Variants in DNAJB1 observed in about 807,000 individuals in gnomAD.
The protein encoded by DNAJB1 is dnaJ homolog subfamily B member 1.
Under a neutral mutation model 24.0 loss-of-function variants are expected in DNAJB1, and 14 were observed. The ratio of observed to expected loss-of-function variants is 0.58; its 90% confidence interval spans 0.39 to 0.91. The LOEUF is 0.91. Among genes scored for constraint, DNAJB1 ranks in the 40% least tolerant of loss-of-function variants. The pLI is 0.00. For synonymous variants in DNAJB1, 262 were observed against 174.4 expected (o/e 1.50, Z -3.96); for missense variants, 517 against 458.1 (o/e 1.13, Z -1.17).
intron 1 of DNAJB1, among the ~76,000 whole-genome samples, chr19:14,556,197 C>T (rs898250105): frequency 2.6e-5 from 4 of 152,202 alleles, no homozygotes; most frequent in African/African-American, 7.2e-5. Context: ...TGCTCAGCCA[C>T]GCTAGGTATG....
upstream of DNAJB1, among the ~76,000 whole-genome samples, chr19:14,519,545 C>T (rs1357142258): frequency 6.6e-6 from 1 of 152,202 alleles, no homozygotes; most frequent in Non-Finnish European, 1.5e-5. Context: ...GTCCCGCCTT[C>T]TTCCCTTTAC....
At position 14,516,802 on chromosome 19, in the gene DNAJB1, G is replaced by C. The variant is rs752281508; in HGVS notation, c.456C>G (p.Ala152=). The stretch of plus-strand genomic sequence containing the variant: ...CTTGCTTCTTTCGGGCGGGCTCTTG[G>C]GCAGAGCGGGAGCGGCCAAAGTTCA... The part of the protein sequence containing the change: ...TNVNFGRSRS[A]QEPARKKQDP... Residue 152 remains alanine (A), a synonymous_variant, in exon 2 of 3, where the codon GCC becomes GCG. Transcript: ENST00000254322. 4.3e-6 allele frequency: 7 copies of C among 1,613,728 alleles called. No individual in the cohort carries two copies. The highest frequency in any genetic ancestry group is 5.9e-6 in the Non-Finnish European group (7 of 1,179,996).
chr19:14,517,155 C>CTT (rs1260340769), intron 1 of DNAJB1, 109 bp from the exon 2 acceptor site: 3 of 1,178,388 alleles, frequency 2.5e-6, no homozygotes, highest in Non-Finnish European at 3.5e-6. Context: ...ACTTTTTTGT[C>CTT]TGTCAGGGGA....
At chr19:14,534,756 C>T (rs537743642), upstream of DNAJB1, among the ~76,000 whole-genome samples, 7 of 152,200 alleles carry the variant, frequency 4.6e-5, no homozygotes, top group South Asian at 1.5e-3. Flanking sequence ...GTCTTATTAG[C>T]ACCTGATCAG....
upstream of DNAJB1, among the ~76,000 whole-genome samples, chr19:14,553,095 C>T (rs932697589): frequency 6.6e-6 from 1 of 152,044 alleles, no homozygotes; most frequent in Non-Finnish European, 1.5e-5. Context: ...TTGTCTTGTG[C>T]CATATTCATC....
chr19:14,543,419 A>ATT (rs1169742953), intron 1 of DNAJB1, among the ~76,000 whole-genome samples: 1 of 21,892 alleles, frequency 4.6e-5, no homozygotes, highest in Non-Finnish European at 7.2e-5. Flanking sequence ...ATATATATAT[A>ATT]TTTTTTTTTT....
chr19:14,557,127 T>TATG lies in DNAJB1; in HGVS notation c.-2165-2810_-2165-2809insCAT, dbSNP rs1555736131. On this transcript the variant is annotated intron_variant, in intron 1 of 5. Coordinates refer to the DNAJB1 transcript ENST00000679223. ...TGTTGGTCTAATCTTATTTATTTAT[T>TATG]TATTTATTTATTTATTTATTTATTT... Among the ~76,000 whole-genome samples, 124 of 119,144 alleles carry TATG rather than the reference T, an allele frequency of 1.0e-3. 1 individual carries two copies. In the South Asian group the frequency reaches 0.03, roughly 29 times the overall value. 78.2% of individuals were successfully genotyped at this position (119,144 alleles called of 152,430 possible).
intron 2 of DNAJB1, among the ~76,000 whole-genome samples, chr19:14,527,178 T>C (rs2072442662): frequency 8.9e-6 from 1 of 112,356 alleles, no homozygotes; most frequent in Non-Finnish European, 1.9e-5. Context: ...TTTTTTTTTT[T>C]TTTTTTTTTT....
chr19:14,556,371 C>G (rs1447709585), intron 1 of DNAJB1, among the ~76,000 whole-genome samples: 1 of 151,546 alleles, frequency 6.6e-6, no homozygotes, highest in Non-Finnish European at 1.5e-5. Flanking sequence ...CGAGATCGCG[C>G]CACTGCATTC....
At chr19:14,529,781 G>A, upstream of DNAJB1, 2 of 1,606,332 alleles carry the variant, frequency 1.2e-6, no homozygotes, top group Non-Finnish European at 1.7e-6. Context: ...GCGGGACCAC[G>A]GGACCCCACT....
At chr19:14,529,689 A>C, upstream of DNAJB1, 1 of 1,614,000 alleles carries the variant, frequency 6.2e-7, no homozygotes, top group Non-Finnish European at 8.5e-7. Context: ...CCGCCGTGGG[A>C]GGGAGCCATG....
upstream of DNAJB1, chr19:14,518,401 G>A (rs549452073): frequency 3.5e-5 from 52 of 1,501,374 alleles, no homozygotes; most frequent in Admixed American, 2.6e-4. Context: ...CGGCTCCGCC[G>A]CCGACCAGTC....
intron 1 of DNAJB1, among the ~76,000 whole-genome samples, chr19:14,536,124 C>T (rs1010186596): frequency 6.6e-6 from 1 of 152,142 alleles, no homozygotes; most frequent in African/African-American, 2.4e-5. Flanking sequence ...GCCAGTTCCC[C>T]TTTGGGTTGG....
intron 1 of DNAJB1, among the ~76,000 whole-genome samples, chr19:14,544,076 G>A (rs750098083): frequency 6.6e-6 from 1 of 152,032 alleles, no homozygotes; most frequent in South Asian, 2.1e-4. Flanking sequence ...CCAGGGGTGG[G>A]GGATCCACAG....
chr19:14,544,276 A>C (rs1343462699), intron 1 of DNAJB1, among the ~76,000 whole-genome samples: 2 of 151,792 alleles, frequency 1.3e-5, no homozygotes, highest in Non-Finnish European at 2.9e-5. Flanking sequence ...GCACCTTCTG[A>C]TAAGGCATGT....
intron 1 of DNAJB1, among the ~76,000 whole-genome samples, chr19:14,545,510 G>T (rs114240054): frequency 6.6e-6 from 1 of 152,130 alleles, no homozygotes; most frequent in Non-Finnish European, 1.5e-5. Flanking sequence ...AGCCTAGGGG[G>T]TGGGGGGGAT....
chr19:14,553,357 C>T (rs553672768), upstream of DNAJB1, among the ~76,000 whole-genome samples: 5 of 152,266 alleles, frequency 3.3e-5, no homozygotes, highest in East Asian at 1.9e-4. Context: ...AGGAGCAGAG[C>T]GGTCCAGGGA....
rs1329417226 is a variant in DNAJB1 at position 14,516,770 on chromosome 19, G to A, written c.488C>T (p.Pro163Leu). ...QEPARKKQDP[P>L]VTHDLRVSLE... ...GGAGACTCGAAGGTCGTGGGTGACT[G>A]GGGGATCTTGCTTCTTTCGGGCGGG... Residue 163 changes from proline (P) to leucine (L), a missense_variant, in exon 2 of 3, where the codon CCA becomes CTA. Coordinates refer to ENST00000254322, the MANE Select transcript of DNAJB1 (RefSeq NM_006145.3). The A allele has an allele frequency of 1.9e-6, 3 of 1,613,886 alleles. No homozygotes were observed. The highest frequency in any genetic ancestry group is 1.1e-5 in the South Asian group (1 of 91,086).
At chr19:14,553,954 C>T (rs1025693682), upstream of DNAJB1, among the ~76,000 whole-genome samples, 7 of 152,182 alleles carry the variant, frequency 4.6e-5, no homozygotes, top group African/African-American at 1.7e-4. Flanking sequence ...TCTTGTGCCC[C>T]AGACTCGGGA....
Sources: allele counts gnomAD v4.1 joint callset (sites outside exome capture counted in the v4.1 genomes callset), GRCh38; gene constraint gnomAD v4.1.1; transcripts MANE v1.5; gene names NCBI Gene and HGNC (gene_info 2026-07-23, HGNC 2026-07-21).